ZNF592: variants seen among roughly 807,000 people sequenced by gnomAD.
ZNF592 encodes the protein spinocerebellar ataxia, autosomal recessive 5.
ZNF592 carries 11 observed loss-of-function variants against 80.3 expected under a neutral mutation model. The ratio of observed to expected loss-of-function variants is 0.14; its 90% CI spans 0.09 to 0.23. The LOEUF is 0.23. Among genes scored for constraint, ZNF592 ranks in the 10% least tolerant of loss-of-function variants. The pLI, the probability that ZNF592 is intolerant of heterozygous loss-of-function variation, is 1.00. For missense variants in ZNF592, 1,420 were observed against 1,633.9 expected (o/e 0.87, Z 2.26); for synonymous variants, 646 against 640.3 (o/e 1.01, Z -0.13).
At chr15:84,764,182 A>G (rs1899431625) in intron 1 of ZNF592, among the ~76,000 whole-genome samples, 1 of 152,082 alleles carries the variant, frequency 6.6e-6, no homozygotes, top group Admixed American at 6.5e-5. Context: ...GGAGGGGTAA[A>G]CTAAACCCGG....
rs145598024 is a variant in ZNF592 at position 84,796,154 on chromosome 15, G to A, written c.2400-1715G>A. On this transcript the variant is annotated intron_variant, in intron 5 of 10. Transcript: ENST00000560079. ...GGAGAATCGCTTGAACCCAGGAGGT[G>A]GAGGTTGCAGTGAGCCAAGATTGCA... is the stretch of plus-strand genomic sequence containing the variant. 5.8e-3 allele frequency among the ~76,000 whole-genome samples: 849 copies of A among 146,378 alleles called. 4 individuals carry two copies. Among genetic ancestry groups the A allele is most frequent in the African/African-American group, 0.02 (786 of 39,210 alleles).
intron 3 of ZNF592, among the ~76,000 whole-genome samples, chr15:84,779,053 G>A (rs1962348050): frequency 6.6e-6 from 1 of 152,228 alleles, no homozygotes; most frequent in Non-Finnish European, 1.5e-5. Context: ...GGAGAAGACA[G>A]AAGGAAGAAA....
Position 84,802,418 on chromosome 15 carries a change from T to C in ZNF592, c.*25T>C. 1 of 1,612,436 alleles carries C rather than the reference T, an allele frequency of 6.2e-7. No homozygotes were observed. Reference sequence around the variant, plus strand: ...ACCGGAGACTTTGCAGTGTGCATGGTCAGGGGTGGTGCCGAAGTGTCTTCC... The same window carrying C: ...ACCGGAGACTTTGCAGTGTGCATGGCCAGGGGTGGTGCCGAAGTGTCTTCC... On this transcript the variant is annotated 3_prime_UTR_variant, in exon 11 of 11. Transcript: ENST00000560079.
chr15:84,772,286 C>T lies in ZNF592; in HGVS notation c.-149-5897C>T, dbSNP rs1397307011. On this transcript the variant is annotated intron_variant, in intron 2 of 10. Transcript: ENST00000560079. ...CTTGAGTTCAGGCGAGGCTCCTGCA[C>T]GTCTTGGGAGCAGCAGCTTACTCTT... Among the ~76,000 whole-genome samples, 6 of 152,134 alleles carry T rather than the reference C, an allele frequency of 3.9e-5. No homozygotes were observed. The East Asian group carries it at 9.6e-4, about 24-fold the overall frequency.
chr15:84,770,130 A>G (rs1205220166), intron 2 of ZNF592, among the ~76,000 whole-genome samples: 1 of 152,162 alleles, frequency 6.6e-6, no homozygotes, highest in African/African-American at 2.4e-5. Flanking sequence ...GTGCTTGTGG[A>G]TTGGATGAAG....
chr15:84,802,268 T>C lies in ZNF592; in HGVS notation c.3679T>C (p.Ser1227Pro). The C allele has an allele frequency of 6.2e-7, 1 of 1,609,422 alleles. No individual in the cohort carries two copies. The highest frequency in any genetic ancestry group is 8.5e-7 in the Non-Finnish European group (1 of 1,176,626). The part of the protein sequence containing the change: ...GLEECAGEPL[S>P]ADPEARRLLG... ...GGAAGAATGTGCCGGTGAGCCTTTG[T>C]CAGCTGACCCAGAGGCGAGGAGATT... The change falls in exon 11 of 11, where the codon TCA (serine) becomes CCA (proline). Residue 1227 changes from serine (S) to proline (P), a missense_variant. By Grantham distance (74) the Ser-to-Pro change is moderately conservative. This residue lies in a region of ZNF592 where 145 missense variants were observed against 211.9 expected (regional missense o/e 0.68). Transcript: ENST00000560079.
chr15:84,756,893 C>T (rs1899188344), intron 1 of ZNF592, among the ~76,000 whole-genome samples: 2 of 151,952 alleles, frequency 1.3e-5, no homozygotes, highest in Non-Finnish European at 2.9e-5. Flanking sequence ...GGGTGGATCA[C>T]TTGAGGTCAG....
intron 4 of ZNF592, among the ~76,000 whole-genome samples, chr15:84,789,509 T>C (rs1411901676): frequency 1.3e-5 from 2 of 152,178 alleles, no homozygotes; most frequent in Non-Finnish European, 2.9e-5. Flanking sequence ...GATACCACTG[T>C]ACTATTTTCC....
At chr15:84,774,891 C>T (rs750728918) in intron 2 of ZNF592, among the ~76,000 whole-genome samples, 1 of 152,052 alleles carries the variant, frequency 6.6e-6, no homozygotes, top group Non-Finnish European at 1.5e-5. Flanking sequence ...AGCAATTCTC[C>T]TGCCCCAGCC....
chr15:84,763,656 C>T (rs1270808510), intron 1 of ZNF592, among the ~76,000 whole-genome samples: 2 of 152,192 alleles, frequency 1.3e-5, no homozygotes, highest in Admixed American at 6.5e-5. Context: ...GTTTCTTTCC[C>T]TTCCCTTCTA....
At chr15:84,779,068 C>T (rs1156271765) in intron 3 of ZNF592, among the ~76,000 whole-genome samples, 1 of 152,152 alleles carries the variant, frequency 6.6e-6, no homozygotes, top group Admixed American at 6.5e-5. Context: ...AAGAAACTCC[C>T]TTGTAGAGAG....
chr15:84,796,263 TA>T (rs1567076284), intron 5 of ZNF592, among the ~76,000 whole-genome samples: 98 of 40,880 alleles, frequency 2.4e-3, no homozygotes, highest in East Asian at 0.012. Context: ...TATATATATA[TA>T]TTTTATATAT....
At chr15:84,753,007 C>T (rs916347835) in intron 1 of ZNF592, 1 of 152,188 alleles carries the variant, frequency 6.6e-6, no homozygotes, top group African/African-American at 2.4e-5. Flanking sequence ...TCCTCAATTC[C>T]TGTTTGTTTT....
At chr15:84,786,690 C>T (rs1405513096) in intron 4 of ZNF592, among the ~76,000 whole-genome samples, 2 of 152,062 alleles carry the variant, frequency 1.3e-5, no homozygotes, top group South Asian at 2.1e-4. Flanking sequence ...CTCTGGGTCT[C>T]TTCCCCTGGG....
chr15:84,766,275 T>C (rs1356455195), intron 2 of ZNF592, among the ~76,000 whole-genome samples: 3 of 152,190 alleles, frequency 2.0e-5, no homozygotes, highest in Non-Finnish European at 4.4e-5. Context: ...CATCATTTTA[T>C]CTGTAAACAT....
chr15:84,801,277 C>T (rs559065589), intron 10 of ZNF592, among the ~76,000 whole-genome samples: 6 of 151,984 alleles, frequency 3.9e-5, no homozygotes, highest in African/African-American at 9.7e-5. Flanking sequence ...GAGCTGTGAT[C>T]ACGCCACTGC....
Position 84,802,096 on chromosome 15 carries a change from C to T in ZNF592, c.3507C>T (p.Ser1169=). The part of the protein sequence containing the change: ...GLCYTSASSL[S]RHLFIVHKVR... ...GCTACACCTCTGCCAGCTCCCTCAG[C>T]CGCCACCTCTTCATTGTCCACAAGG... The change falls in exon 11 of 11, where the codon AGC becomes AGT. Residue 1169 remains serine, a synonymous_variant. Transcript: ENST00000560079. 1 of 1,613,012 alleles carries T rather than the reference C, an allele frequency of 6.2e-7. No homozygotes were observed. The highest frequency in any genetic ancestry group is 2.2e-5 in the East Asian group (1 of 44,874).
chr15:84,765,788 G>A (rs989191632), intron 2 of ZNF592, among the ~76,000 whole-genome samples: 1 of 151,666 alleles, frequency 6.6e-6, no homozygotes, highest in Non-Finnish European at 1.5e-5. Flanking sequence ...TGCCTGCCTC[G>A]GCCTCCTAAA....
At chr15:84,754,015 C>T (rs1228598904) in intron 1 of ZNF592, among the ~76,000 whole-genome samples, 1 of 152,168 alleles carries the variant, frequency 6.6e-6, no homozygotes, top group Non-Finnish European at 1.5e-5. Flanking sequence ...GATCAGAGTG[C>T]TACTTCAGCC....
Sources: allele counts gnomAD v4.1 joint callset (sites outside exome capture counted in the v4.1 genomes callset), GRCh38; gene constraint gnomAD v4.1.1; regional missense constraint gnomAD v4.1.1; transcripts MANE v1.5; gene names NCBI Gene and HGNC (gene_info 2026-07-23, HGNC 2026-07-21).